DMD: variants seen among roughly 807,000 people sequenced by gnomAD.
DMD encodes the protein mutant dystrophin.
A neutral mutation model predicts 330.1 loss-of-function variants in DMD; 63 were observed. The observed-to-expected ratio is 0.19, with a 90% CI of 0.16 to 0.24. DMD has a LOEUF of 0.24. DMD is among the 10% of genes least tolerant of loss of function. DMD has a pLI of 1.00. For synonymous variants in DMD, 1,223 were observed against 959.8 expected (o/e 1.27, Z -5.07); for missense variants, 3,344 against 2,684.1 (o/e 1.25, Z -5.43).
chrX:32,800,025 T>TA (rs1186863675), intron 7 of DMD, among the ~76,000 whole-genome samples: 1 of 111,800 alleles, frequency 8.9e-6, no homozygotes, highest in Admixed American at 9.6e-5. Flanking sequence ...AAAGCAATTC[T>TA]ATCAACAAAG....
At chrX:32,420,384 C>A (rs917207886) in intron 29 of DMD, among the ~76,000 whole-genome samples, 2 of 111,614 alleles carry the variant, frequency 1.8e-5, no homozygotes, top group Non-Finnish European at 3.8e-5. Context: ...GGGATAAAAT[C>A]AAGTTGGAAA....
intron 1 of DMD, among the ~76,000 whole-genome samples, chrX:33,058,604 A>G (rs2094546538): frequency 9.0e-6 from 1 of 110,568 alleles, no homozygotes; most frequent in Non-Finnish European, 1.9e-5. Context: ...CACCTGGCCT[A>G]CTAATTTCTT....
chrX:32,766,726 AAT>A (rs2073039197), intron 7 of DMD, among the ~76,000 whole-genome samples: 2 of 111,435 alleles, frequency 1.8e-5, no homozygotes, highest in South Asian at 7.4e-4. Flanking sequence ...GAATATAGTT[AAT>A]AGAGTATTGC....
intron 18 of DMD, among the ~76,000 whole-genome samples, chrX:32,502,775 T>G (rs1014729266): frequency 9.0e-6 from 1 of 111,595 alleles, no homozygotes; most frequent in Non-Finnish European, 1.9e-5. Flanking sequence ...TTCATTTACA[T>G]CCACAGGCAT....
intron 9 of DMD, among the ~76,000 whole-genome samples, chrX:32,692,423 G>C (rs777464995): frequency 1.8e-5 from 2 of 111,357 alleles, no homozygotes; most frequent in Non-Finnish European, 3.8e-5. Flanking sequence ...TCCCTGGCTG[G>C]CTTCCCATCC....
chrX:32,218,133 A>G (rs1482607803), intron 43 of DMD, among the ~76,000 whole-genome samples: 3 of 111,785 alleles, frequency 2.7e-5, no homozygotes, highest in Non-Finnish European at 3.8e-5. Context: ...ATGTTTACCT[A>G]AGACAGTTGC....
At chrX:32,385,603 G>A (rs1392212242) in intron 33 of DMD, among the ~76,000 whole-genome samples, 57 of 33,151 alleles carry the variant, frequency 1.7e-3, no homozygotes, top group Non-Finnish European at 2.6e-4. Context: ...ACAGAGTGAA[G>A]AGACTACTTA....
At chrX:32,710,192 C>A (rs1249230609) in intron 7 of DMD, among the ~76,000 whole-genome samples, 2 of 109,449 alleles carry the variant, frequency 1.8e-5, no homozygotes, top group Admixed American at 2.0e-4. Flanking sequence ...TCACCACTCT[C>A]TTGTGAGTTA....
At chrX:31,628,915 C>CATATATATATATATAT (rs10524146) in intron 54 of DMD, among the ~76,000 whole-genome samples, 1,490 of 82,542 alleles carry the variant, frequency 0.018, 38 homozygotes, top group East Asian at 0.046. Context: ...TATTTTTGAT[C>CATATATATATATATAT]ATATATATAT....
chrX:31,527,589 C>T (rs781200283), intron 55 of DMD, among the ~76,000 whole-genome samples: 3 of 111,336 alleles, frequency 2.7e-5, no homozygotes, highest in South Asian at 7.6e-4. Context: ...ACCTTTCTGC[C>T]CCTTTTGGCT....
chrX:31,623,250 A>G (rs1269696436), intron 55 of DMD, among the ~76,000 whole-genome samples: 1 of 110,834 alleles, frequency 9.0e-6, no homozygotes, highest in Non-Finnish European at 1.9e-5. Context: ...AAACTTCTCC[A>G]ATTTTATTTT....
In DMD at chrX:32,573,800, C is replaced by T. The variant is rs1424295439; in HGVS notation, c.1649G>A (p.Arg550His). Residue 550 changes from arginine (R) to histidine (H), a missense_variant, in exon 14 of 79, where the codon CGC (arginine) becomes CAC (histidine). Arg to His is a conservative substitution (Grantham distance 29, BLOSUM62 0). Coordinates refer to ENST00000357033, the MANE Select transcript of DMD (RefSeq NM_004006.3). ...AAGGATGTCTTGTAAAAGAACCCAG[C>T]GGTCTTCTGTCCATCTACAGATGTT... ...WANICRWTED[R>H]WVLLQDILLK... is the part of the protein sequence containing the mutation. The T allele has an allele frequency of 2.5e-6, 3 of 1,209,811 alleles. No homozygotes were observed. The highest frequency in any genetic ancestry group is 2.2e-6 in the Non-Finnish European group (2 of 895,074).
At chrX:33,317,392 A>C (rs1391076523) in intron 1 of DMD, among the ~76,000 whole-genome samples, 2 of 111,943 alleles carry the variant, frequency 1.8e-5, no homozygotes, top group African/African-American at 6.5e-5. Context: ...CTGCAATATC[A>C]ACTAAGAATT....
At chrX:32,789,918 A>G (rs756255157) in intron 7 of DMD, among the ~76,000 whole-genome samples, 16 of 112,435 alleles carry the variant, frequency 1.4e-4, no homozygotes, top group Non-Finnish European at 3.0e-4. Context: ...ACATCTCACA[A>G]GAATGATATT....
intron 18 of DMD, among the ~76,000 whole-genome samples, chrX:32,515,114 T>A (rs777359730): frequency 9.0e-6 from 1 of 111,602 alleles, no homozygotes; most frequent in Admixed American, 9.5e-5. Flanking sequence ...GGATGAGTCA[T>A]AGTGCTGTTT....
At position 32,464,786 on chromosome X, in the gene DMD, C is replaced by A. The variant is rs2148429071; in HGVS notation, c.3163-87G>T. ...ATTGTGTTATGTCTAAACACAGGCCCAAAAACAATTCCCATGTTTAAAGGA... is the reference window on the plus strand; with the variant it reads ...ATTGTGTTATGTCTAAACACAGGCCAAAAAACAATTCCCATGTTTAAAGGA... On this transcript the variant is annotated intron_variant, in intron 23 of 78. Coordinates refer to ENST00000357033, the MANE Select transcript of DMD (RefSeq NM_004006.3). The A allele has an allele frequency of 4.5e-6, 3 of 663,613 alleles. No individual in the cohort carries two copies. In the South Asian group the frequency reaches 6.7e-5, roughly 15 times the overall value. 54.7% of individuals were successfully genotyped at this position (663,613 alleles called of 1,213,427 possible).
At chrX:32,777,286 A>AGGGCGGGT (rs2074276578) in intron 7 of DMD, among the ~76,000 whole-genome samples, 1 of 7,106 alleles carries the variant, frequency 1.4e-4, no homozygotes, top group Non-Finnish European at 2.3e-4. Flanking sequence ...TTGGGGGGGG[A>AGGGCGGGT]ATCCTACCAA....
At chrX:32,732,337 T>A (rs1234618001) in intron 7 of DMD, among the ~76,000 whole-genome samples, 1 of 111,144 alleles carries the variant, frequency 9.0e-6, no homozygotes, top group South Asian at 3.9e-4. Flanking sequence ...GAAAACACTC[T>A]GCAGGATATT....
chrX:32,415,847 TA>T (rs1391406445), intron 29 of DMD, among the ~76,000 whole-genome samples: 1 of 112,408 alleles, frequency 8.9e-6, no homozygotes, highest in Non-Finnish European at 1.9e-5. Flanking sequence ...CAATGAAAAT[TA>T]AAACTAAGTA....
Sources: gnomAD v4.1 joint callset for allele counts (sites outside exome capture counted in the v4.1 genomes callset) on GRCh38, gnomAD v4.1.1 for gene constraint, MANE v1.5 for transcripts, NCBI Gene and HGNC (gene_info 2026-07-23, HGNC 2026-07-21) for gene names.